PRKN: variants seen among roughly 807,000 people sequenced by gnomAD.
The protein encoded by PRKN is parkin RBR E3 ubiquitin protein ligase.
In PRKN, 56 loss-of-function variants were observed where a neutral mutation model predicts 59.5. The ratio of observed to expected loss-of-function variants is 0.94; its 90% confidence interval spans 0.76 to 1.18. The LOEUF is 1.18. Ranked by LOEUF, PRKN falls within the 50% of genes most tolerant of loss-of-function variation. The probability of loss-of-function intolerance (pLI) is 0.00; values close to 1 mark genes in which losing one functional copy is unlikely to be tolerated. For missense variants in PRKN, 657 were observed against 596.4 expected (o/e 1.10, Z -1.06); for synonymous variants, 250 against 222.1 (o/e 1.13, Z -1.12).
intron 8 of PRKN, among the ~76,000 whole-genome samples, chr6:161,565,560 C>T (rs1314070657): frequency 6.6e-6 from 1 of 152,114 alleles, no homozygotes; most frequent in Non-Finnish European, 1.5e-5. Context: ...TGGCATTTCC[C>T]CTGCTTGCAC....
chr6:162,323,593 G>C lies in PRKN; in HGVS notation c.172-60828C>G, dbSNP rs144380358. On this transcript the variant is annotated intron_variant, in intron 2 of 11. Transcript: ENST00000366898. ...ATCATATTGAAAATACTAAGAAAAA[G>C]ATTTAAACAAACACTTCATCAAAGA... Among the ~76,000 whole-genome samples the C allele has an allele frequency of 1.3e-3, 201 of 151,894 alleles. 2 individuals carry two copies. The highest frequency in any genetic ancestry group is 4.5e-3 in the African/African-American group (188 of 41,436).
At chr6:162,321,268 T>C (rs1783012578) in intron 2 of PRKN, among the ~76,000 whole-genome samples, 1 of 151,864 alleles carries the variant, frequency 6.6e-6, no homozygotes, top group Non-Finnish European at 1.5e-5. Flanking sequence ...TTTGGCAACT[T>C]AGATGAAATT....
chr6:162,616,265 T>C (rs533729262), intron 1 of PRKN, among the ~76,000 whole-genome samples: 2 of 152,296 alleles, frequency 1.3e-5, no homozygotes, highest in East Asian at 1.9e-4. Context: ...ATTTGCTTGA[T>C]AGTAAGCCCG....
chr6:162,117,460 G>A (rs1300058969), intron 4 of PRKN, among the ~76,000 whole-genome samples: 2 of 152,218 alleles, frequency 1.3e-5, no homozygotes, highest in Admixed American at 6.5e-5. Flanking sequence ...AATTGTATGA[G>A]ACTGCGAGAA....
At chr6:161,816,124 T>C (rs1236689061) in intron 6 of PRKN, among the ~76,000 whole-genome samples, 1 of 152,032 alleles carries the variant, frequency 6.6e-6, no homozygotes, top group Non-Finnish European at 1.5e-5. Flanking sequence ...GATGAGTGAA[T>C]AAACTGGTGG....
In PRKN at chr6:161,581,175, C is replaced by T. The variant is rs532969797; in HGVS notation, c.872-11759G>A. Among the ~76,000 whole-genome samples, 2 of 150,490 alleles carry T rather than the reference C, an allele frequency of 1.3e-5. No homozygotes were observed. The highest frequency in any genetic ancestry group is 4.9e-5 in the African/African-American group (2 of 40,830). On this transcript the variant is annotated intron_variant, in intron 7 of 11. Coordinates refer to ENST00000366898, the MANE Select transcript of PRKN (RefSeq NM_004562.3). The surrounding 1 kb of genome is among the most constrained non-coding windows in gnomAD (Gnocchi z 4.5). ...GCAGTGAGCCGAGATTGTGCCACTG[C>T]ACCAGCCTGGGCAACAGAGTGAGAC...
intron 7 of PRKN, among the ~76,000 whole-genome samples, chr6:161,736,573 G>T (rs1182459238): frequency 6.6e-6 from 1 of 152,182 alleles, no homozygotes; most frequent in Non-Finnish European, 1.5e-5. Flanking sequence ...AGGAGGCTGA[G>T]ACCTGGTCTA....
chr6:162,299,576 T>C (rs1345950820), intron 2 of PRKN, among the ~76,000 whole-genome samples: 1 of 152,046 alleles, frequency 6.6e-6, no homozygotes, highest in Non-Finnish European at 1.5e-5. Context: ...TGAACTTGGC[T>C]TTAAATTATG....
In PRKN at chr6:161,387,549, C is replaced by T. The variant is rs1310294593; in HGVS notation, c.1084-672G>A. Among the ~76,000 whole-genome samples the T allele has an allele frequency of 5.9e-5, 9 of 152,220 alleles. No individual in the cohort carries two copies. The South Asian group carries it at 1.7e-3, about 28-fold the overall frequency. On this transcript the variant is annotated intron_variant, in intron 9 of 11. Transcript: ENST00000366898. ...TACACACAGTAATGCAAATAAATAC[C>T]CACAGCAAAGTTTAATTGGTATTAG...
At chr6:162,662,994 A>G (rs1035700827) in intron 1 of PRKN, among the ~76,000 whole-genome samples, 1 of 152,146 alleles carries the variant, frequency 6.6e-6, no homozygotes, top group African/African-American at 2.4e-5. Context: ...TGACAAGATG[A>G]AGGCAGGGGG....
rs1779047705 is a variant in PRKN at position 161,527,234 on chromosome 6, G to A, written c.1083+21620C>T. 6.6e-6 allele frequency among the ~76,000 whole-genome samples: 1 copy of A among 152,178 alleles called. No homozygotes were observed. Among genetic ancestry groups the A allele is most frequent in the Admixed American group, 6.5e-5 (1 of 15,284 alleles). On this transcript the variant is annotated intron_variant, in intron 9 of 11. Transcript: ENST00000366898. The surrounding 1 kb of genome is among the most constrained non-coding windows in gnomAD (Gnocchi z 4.6). Reference sequence around the variant, plus strand: ...GCACTTCTGTGTCTGCAACTTCTCAGAATAACCAGCTCAAAATATGCCAAA... The same window carrying A: ...GCACTTCTGTGTCTGCAACTTCTCAAAATAACCAGCTCAAAATATGCCAAA...
chr6:162,585,098 A>G (rs2128212608), intron 1 of PRKN, among the ~76,000 whole-genome samples: 2 of 150,840 alleles, frequency 1.3e-5, no homozygotes, highest in Admixed American at 1.3e-4. Flanking sequence ...ACTGGGTTTC[A>G]CCATCTTGGC....
intron 3 of PRKN, among the ~76,000 whole-genome samples, chr6:162,233,097 T>C (rs767617376): frequency 1.4e-4 from 22 of 152,200 alleles, no homozygotes; most frequent in Non-Finnish European, 2.6e-4. Flanking sequence ...AACCCATTGA[T>C]AGAGTCCTAT....
At chr6:162,718,081 T>C (rs1778795945) in intron 1 of PRKN, among the ~76,000 whole-genome samples, 2 of 152,212 alleles carry the variant, frequency 1.3e-5, no homozygotes, top group South Asian at 4.1e-4. Flanking sequence ...TTTCCAGTTA[T>C]GGTAACTAAA....
chr6:162,719,045 A>G (rs1778834291), intron 1 of PRKN, among the ~76,000 whole-genome samples: 1 of 152,196 alleles, frequency 6.6e-6, no homozygotes. Flanking sequence ...TCATAGGTTG[A>G]GCATCTCACA....
At chr6:162,179,333 G>C (rs1458097914) in intron 4 of PRKN, among the ~76,000 whole-genome samples, 2 of 152,170 alleles carry the variant, frequency 1.3e-5, no homozygotes, top group Middle Eastern at 3.2e-3. Context: ...GAACCATGCT[G>C]TGTCCACCTG....
intron 1 of PRKN, among the ~76,000 whole-genome samples, chr6:162,577,990 T>C (rs531521738): frequency 6.6e-6 from 1 of 152,214 alleles, no homozygotes; most frequent in South Asian, 2.1e-4. Context: ...GCAAAAATGA[T>C]TGAAAGGAAG....
chr6:162,231,114 C>CTCTCTCTCCTTTTCCTTTCTCCCTCTCCT (rs1778404100), intron 3 of PRKN, among the ~76,000 whole-genome samples: 3 of 152,244 alleles, frequency 2.0e-5, no homozygotes, highest in South Asian at 4.1e-4. Context: ...ATGCCTCCCT[C>CTCTCTCTCCTTTTCCTTTCTCCCTCTCCT]TCTCTCTCCT....
At position 161,592,931 on chromosome 6, in the gene PRKN, GA is replaced by G. The variant is rs772016942; in HGVS notation, c.872-23516del. Among the ~76,000 whole-genome samples, 7 of 152,190 alleles carry G rather than the reference GA, an allele frequency of 4.6e-5. No individual in the cohort carries two copies. The highest frequency in any genetic ancestry group is 2.0e-4 in the Admixed American group (3 of 15,286). On this transcript the variant is annotated intron_variant, in intron 7 of 11. Transcript: ENST00000366898. The surrounding 1 kb of genome is among the most constrained non-coding windows in gnomAD (Gnocchi z 4.8). ...TGAAGTTTAATTCCGAGAGTAGGGA[GA>G]AGGCACTGGAGGACTTGCACATGGT...
Sources: allele counts gnomAD v4.1 joint callset (sites outside exome capture counted in the v4.1 genomes callset), GRCh38; gene constraint gnomAD v4.1.1; non-coding constraint Gnocchi (gnomAD v3.1); transcripts MANE v1.5; gene names NCBI Gene and HGNC (gene_info 2026-07-23, HGNC 2026-07-21).